COG3: variants seen among roughly 807,000 people sequenced by gnomAD.
COG3 encodes component of oligomeric golgi complex 3.
COG3 carries 32 observed loss-of-function variants against 114.1 expected under a neutral mutation model. The observed-to-expected ratio is 0.28, with a 90% CI of 0.21 to 0.38. COG3 has a LOEUF of 0.38. Ranked by LOEUF, COG3 falls within the 10% of genes least tolerant of loss-of-function variation. The probability of loss-of-function intolerance (pLI) is 1.00; values close to 1 mark genes in which losing one functional copy is unlikely to be tolerated. For synonymous variants in COG3, 352 were observed against 365.7 expected (o/e 0.96, Z 0.43); for missense variants, 813 against 973.2 (o/e 0.84, Z 2.19).
chr13:45,516,062 G>A (rs1871507939), intron 16 of COG3, 81 bp from the exon 17 acceptor site: 2 of 1,028,538 alleles, frequency 1.9e-6, no homozygotes, highest in South Asian at 5.6e-5. Flanking sequence ...GTAGATTAAT[G>A]TTGATTAATA....
At chr13:45,501,373 T>C (rs897209834) in intron 13 of COG3, among the ~76,000 whole-genome samples, 5 of 152,256 alleles carry the variant, frequency 3.3e-5, no homozygotes, top group African/African-American at 1.2e-4. Context: ...CTTACTGATG[T>C]CAGTGTGGAC....
intron 13 of COG3, among the ~76,000 whole-genome samples, chr13:45,502,039 G>C (rs1869597881): frequency 6.6e-6 from 1 of 152,088 alleles, no homozygotes; most frequent in Non-Finnish European, 1.5e-5. Flanking sequence ...AGTGGGGGCT[G>C]TTTCTTTTCT....
chr13:45,503,689 T>A (rs1298351814), intron 14 of COG3, among the ~76,000 whole-genome samples: 1 of 152,062 alleles, frequency 6.6e-6, no homozygotes, highest in Non-Finnish European at 1.5e-5. Context: ...TTGTTTAAGA[T>A]AGATAGAATA....
intron 1 of COG3, among the ~76,000 whole-genome samples, chr13:45,471,958 C>T (rs1380545473): frequency 2.6e-5 from 4 of 152,124 alleles, no homozygotes; most frequent in African/African-American, 9.7e-5. Context: ...GTCCTGGACT[C>T]CTGACCTCAG....
chr13:45,465,467 C>A, intron 1 of COG3: 1 of 517,464 alleles, frequency 1.9e-6, no homozygotes, highest in Non-Finnish European at 3.3e-6. Flanking sequence ...CCCAGTCCTC[C>A]CCCAGCAGCA....
intron 2 of COG3, among the ~76,000 whole-genome samples, chr13:45,477,916 A>G (rs2985938): frequency 0.71 from 107,146 of 151,928 alleles, 39,702 homozygotes; most frequent in Middle Eastern, 0.81. Context: ...GTGAGCTACC[A>G]TTCCCGGCCC....
intron 19 of COG3, among the ~76,000 whole-genome samples, chr13:45,521,034 C>G (rs561627682): frequency 6.6e-6 from 1 of 152,194 alleles, no homozygotes; most frequent in South Asian, 2.1e-4. Context: ...TTCTAGAAAT[C>G]AAGAGAATAA....
intron 14 of COG3, among the ~76,000 whole-genome samples, chr13:45,509,219 T>A (rs1870583522): frequency 6.6e-6 from 1 of 152,158 alleles, no homozygotes; most frequent in Non-Finnish European, 1.5e-5. Context: ...TTTGTATTTT[T>A]AGTAGAGACG....
At position 45,496,213 on chromosome 13, in the gene COG3, G is replaced by T; in HGVS notation, c.1389G>T (p.Arg463=). ...VKQMLEDVQE[R]LVYRTHIYIQ... is the part of the protein sequence containing the mutation. ...AGATGTTAGAAGATGTACAGGAGCG[G>T]CTCGTCTACCGAACCCACATCTATA... The change falls in exon 13 of 23, where the codon CGG becomes CGT. Residue 463 remains arginine, a synonymous_variant. Transcript: ENST00000349995. 1.2e-6 allele frequency: 2 copies of T among 1,613,112 alleles called. No individual in the cohort carries two copies. Among genetic ancestry groups the T allele is most frequent in the South Asian group, 1.1e-5 (1 of 91,018 alleles).
intron 7 of COG3, 84 bp downstream of exon 7, chr13:45,483,439 AGTACTT>A: frequency 1.7e-6 from 2 of 1,188,162 alleles, no homozygotes; most frequent in Non-Finnish European, 2.3e-6. Flanking sequence ...GGCTGAGATT[AGTACTT>A]TGTAATTCCA....
chr13:45,531,195 C>A, intron 22 of COG3: 1 of 370,608 alleles, frequency 2.7e-6, no homozygotes, highest in Non-Finnish European at 3.8e-6. Context: ...GTAAGTTCTT[C>A]AGTGGTGATT....
chr13:45,465,323 C>T, intron 1 of COG3, 113 bp downstream of exon 1: 2 of 1,432,418 alleles, frequency 1.4e-6, no homozygotes, highest in Middle Eastern at 2.6e-4. Context: ...TCCACTCCTC[C>T]CTGGCCATGG....
chr13:45,491,045 G>T, intron 9 of COG3, 87 bp downstream of exon 9: 1 of 875,160 alleles, frequency 1.1e-6, no homozygotes, highest in Non-Finnish European at 1.8e-6. Context: ...GATATTTTAT[G>T]AGCAATTGCC....
intron 7 of COG3, among the ~76,000 whole-genome samples, chr13:45,484,371 GAGGGATGAAGTACT>G (rs61715974): frequency 0.36 from 54,862 of 151,968 alleles, 10,797 homozygotes; most frequent in Middle Eastern, 0.54. Context: ...CTGAGTCTTA[GAGGGATGAAGTACT>G]TGGGCCAGTG....
At position 45,535,638 on chromosome 13, in the gene COG3, CCT is replaced by C; in HGVS notation, c.*908_*909del. 1.0e-6 allele frequency: 1 copy of C among 985,624 alleles called. No individual in the cohort carries two copies. Among genetic ancestry groups the C allele is most frequent in the Non-Finnish European group, 1.2e-6 (1 of 830,092 alleles). 61.1% of individuals were successfully genotyped at this position (985,624 alleles called of 1,614,324 possible). ...CTTTGAAAAGCAAACACTTTCATGT[CCT>C]GTCTATTCATTCAGCTGGCTGTGCT... On this transcript the variant is annotated 3_prime_UTR_variant, in exon 23 of 23. Coordinates refer to ENST00000349995, the MANE Select transcript of COG3 (RefSeq NM_031431.4).
At chr13:45,513,372 TAC>T (rs1447490367) in intron 16 of COG3, among the ~76,000 whole-genome samples, 8 of 125,360 alleles carry the variant, frequency 6.4e-5, no homozygotes, top group East Asian at 2.1e-4. Context: ...ATATAAATTA[TAC>T]ATATAATATA....
At chr13:45,511,648 A>T in intron 15 of COG3, 117 bp from the exon 16 acceptor site, 1 of 720,174 alleles carries the variant, frequency 1.4e-6, no homozygotes, top group South Asian at 1.8e-5. Context: ...ACAAGTAGTA[A>T]ATTAATCCAA....
intron 22 of COG3, among the ~76,000 whole-genome samples, chr13:45,532,538 G>T: frequency 8.2e-6 from 1 of 122,174 alleles, no homozygotes; most frequent in African/African-American, 3.3e-5. Flanking sequence ...CTTTTTATTA[G>T]TTATTGGGTT....
chr13:45,502,914 G>A (rs1422753294), intron 13 of COG3, among the ~76,000 whole-genome samples: 1 of 152,024 alleles, frequency 6.6e-6, no homozygotes, highest in African/African-American at 2.4e-5. Flanking sequence ...CAAATTAGTG[G>A]GATTTTCATT....
Sources: allele counts gnomAD v4.1 joint callset (sites outside exome capture counted in the v4.1 genomes callset), GRCh38; gene constraint gnomAD v4.1.1; transcripts MANE v1.5; gene names NCBI Gene and HGNC (gene_info 2026-07-23, HGNC 2026-07-21).